Variants in SLK observed in about 807,000 individuals in gnomAD.
SLK encodes STE20-like serine/threonine-protein kinase.
In SLK, 67 loss-of-function variants were observed where a neutral mutation model predicts 147.7. The ratio of observed to expected loss-of-function variants is 0.45; its 90% CI spans 0.37 to 0.56. SLK has a LOEUF of 0.56. SLK is among the 20% of genes least tolerant of loss of function. The pLI is 0.00. For missense variants in SLK, 1,136 were observed against 1,438.8 expected (o/e 0.79, Z 3.41); for synonymous variants, 441 against 475.0 (o/e 0.93, Z 0.93).
intron 1 of SLK, among the ~76,000 whole-genome samples, chr10:103,989,460 G>GTTTTTTTTTTTT (rs1202426790): frequency 1.0e-5 from 1 of 96,814 alleles, no homozygotes; most frequent in African/African-American, 4.7e-5. Flanking sequence ...CAGTGTGGCA[G>GTTTTTTTTTTTT]TTTCTTTTTT....
intron 4 of SLK, among the ~76,000 whole-genome samples, chr10:103,998,286 G>T (rs1448845615): frequency 1.3e-5 from 2 of 152,176 alleles, no homozygotes; most frequent in Non-Finnish European, 2.9e-5. Context: ...AAAAATTCGT[G>T]CATTTATAGC....
intron 12 of SLK, among the ~76,000 whole-genome samples, chr10:104,010,031 C>G (rs944765849): frequency 5.3e-5 from 8 of 152,118 alleles, no homozygotes; most frequent in African/African-American, 1.9e-4. Flanking sequence ...ATGGAATATA[C>G]TTCTAGTATT....
At chr10:104,011,370 A>C (rs1036382391) in intron 13 of SLK, among the ~76,000 whole-genome samples, 1 of 152,258 alleles carries the variant, frequency 6.6e-6, no homozygotes, top group African/African-American at 2.4e-5. Context: ...ATGGTAGTTC[A>C]AACATGTATT....
intron 1 of SLK, among the ~76,000 whole-genome samples, chr10:103,986,798 G>A (rs1291408973): frequency 1.3e-5 from 2 of 151,176 alleles, no homozygotes; most frequent in Non-Finnish European, 2.9e-5. Context: ...GCTGCCTCAG[G>A]CTCCCAAGTA....
intron 4 of SLK, among the ~76,000 whole-genome samples, chr10:103,996,958 G>A (rs560345681): frequency 6.6e-6 from 1 of 152,144 alleles, no homozygotes; most frequent in Non-Finnish European, 1.5e-5. Context: ...TCATTTTTAA[G>A]TGTACATTTC....
At chr10:104,000,872 A>G (rs919371190) in intron 7 of SLK, among the ~76,000 whole-genome samples, 7 of 152,044 alleles carry the variant, frequency 4.6e-5, no homozygotes, top group Non-Finnish European at 8.8e-5. Context: ...AGCCTGGCCA[A>G]TATAGTGAAA....
intron 11 of SLK, 51 bp from the exon 12 acceptor site, chr10:104,008,126 A>G (rs748113649): frequency 7.2e-7 from 1 of 1,389,716 alleles, no homozygotes. Context: ...ACTATAAGGT[A>G]TTAATATGGG....
intron 4 of SLK, among the ~76,000 whole-genome samples, chr10:103,993,590 A>G (rs1346623835): frequency 1.3e-5 from 2 of 152,182 alleles, no homozygotes; most frequent in Non-Finnish European, 1.5e-5. Flanking sequence ...CTAAACTAAC[A>G]AAGTAATCTT....
At position 104,027,773 on chromosome 10, in the gene SLK, G is replaced by A. The variant is rs1195766504; in HGVS notation, c.*2053G>A. The A allele has an allele frequency of 6.6e-6, 1 of 151,978 alleles. No individual in the cohort carries two copies. The highest frequency in any genetic ancestry group is 1.5e-5 in the Non-Finnish European group (1 of 68,010). 9.4% of individuals were successfully genotyped at this position (151,978 alleles called of 1,614,324 possible). On this transcript the variant is annotated 3_prime_UTR_variant, in exon 19 of 19. Coordinates refer to ENST00000369755, the MANE Select transcript of SLK (RefSeq NM_014720.4). Reference sequence around the variant, plus strand: ...TAGTGTGTGGTGCCTGATTAATTTGGTCTGAATATTTGATTCTTTCTGTTC... The same window carrying A: ...TAGTGTGTGGTGCCTGATTAATTTGATCTGAATATTTGATTCTTTCTGTTC...
chr10:103,967,218 G>T lies in SLK; in HGVS notation c.-528G>T. On this transcript the variant is annotated 5_prime_UTR_variant, in exon 1 of 19. Transcript: ENST00000369755. Reference sequence around the variant, plus strand: ...GACAGGCGGCGGCGGCGGCGCCCCAGACCCGAGGGGACGCGCGGGCCTTGC... The same window carrying T: ...GACAGGCGGCGGCGGCGGCGCCCCATACCCGAGGGGACGCGCGGGCCTTGC... 6.6e-6 allele frequency: 1 copy of T among 152,112 alleles called. No individual in the cohort carries two copies. The highest frequency in any genetic ancestry group is 2.0e-4 in the South Asian group (1 of 4,950). The allele number at this position is 152,112 out of a possible 1,614,324, so 9.4% of individuals were successfully genotyped here. A position where few individuals can be genotyped will look rare whatever the true frequency, so the allele number is the denominator to read the frequency against.
intron 1 of SLK, among the ~76,000 whole-genome samples, chr10:103,980,959 T>A (rs1843933637): frequency 6.6e-6 from 1 of 152,164 alleles, no homozygotes; most frequent in Admixed American, 6.5e-5. Context: ...GCACAAGAGT[T>A]CTAATTTCTC....
At chr10:104,013,480 C>A (rs1844424472) in intron 13 of SLK, among the ~76,000 whole-genome samples, 1 of 152,244 alleles carries the variant, frequency 6.6e-6, no homozygotes, top group South Asian at 2.1e-4. Flanking sequence ...TAGTTCAAAT[C>A]CTTCATTTTA....
chr10:104,007,821 C>T (rs1830600686), intron 11 of SLK, among the ~76,000 whole-genome samples: 1 of 145,060 alleles, frequency 6.9e-6, no homozygotes, highest in Admixed American at 6.9e-5. Context: ...GTCATGGTGG[C>T]ATGCACTGTA....
At chr10:104,009,854 A>C (rs1025271924) in intron 12 of SLK, among the ~76,000 whole-genome samples, 2 of 151,750 alleles carry the variant, frequency 1.3e-5, no homozygotes, top group Non-Finnish European at 2.9e-5. Context: ...ATTTGGTTTC[A>C]TGAGGGATTA....
chr10:103,971,893 A>G (rs1280563411), intron 1 of SLK, among the ~76,000 whole-genome samples: 2 of 152,194 alleles, frequency 1.3e-5, no homozygotes, highest in African/African-American at 2.4e-5. Context: ...TCTGTATCTA[A>G]TATCTTCTCT....
rs1844113187 is a variant in SLK, at chr10:103,992,643, C to G, written c.361C>G (p.Leu121Val). Residue 121 changes from leucine to valine, a missense_variant, in exon 3 of 19, where the codon CTT becomes GTT. Transcript: ENST00000369755. ...AGGTGGAGCAGTAGATGCTGTGATG[C>G]TTGGTAAATACCTTTTTGTTCTTTC... is the stretch of plus-strand genomic sequence containing the variant. ...CAGGAVDAVM[L>V]ELERPLTESQ... 2.2e-6 allele frequency: 2 copies of G among 915,856 alleles called. No individual in the cohort carries two copies. The highest frequency in any genetic ancestry group is 2.9e-6 in the Non-Finnish European group (2 of 683,430). The allele number at this position is 915,856 out of a possible 1,614,324, so 56.7% of individuals were successfully genotyped here.
At chr10:103,996,353 G>T (rs1335891610) in intron 4 of SLK, among the ~76,000 whole-genome samples, 4 of 143,794 alleles carry the variant, frequency 2.8e-5, no homozygotes, top group Non-Finnish European at 6.1e-5. Flanking sequence ...TTTTTTTTAA[G>T]ACCAGTAGTT....
chr10:103,976,382 G>C (rs1843871420), intron 1 of SLK, among the ~76,000 whole-genome samples: 1 of 152,102 alleles, frequency 6.6e-6, no homozygotes, highest in South Asian at 2.1e-4. Context: ...GGGTATGGGA[G>C]TTTTCCCAGT....
At chr10:104,012,844 C>A (rs1233136866) in intron 13 of SLK, among the ~76,000 whole-genome samples, 2 of 152,172 alleles carry the variant, frequency 1.3e-5, no homozygotes, top group East Asian at 3.8e-4. Flanking sequence ...GATTTCAAAC[C>A]AGATTAGAAT....
Sources: allele counts gnomAD v4.1 joint callset (sites outside exome capture counted in the v4.1 genomes callset), GRCh38; gene constraint gnomAD v4.1.1; transcripts MANE v1.5; gene names NCBI Gene and HGNC (gene_info 2026-07-23, HGNC 2026-07-21).